The following RGS6 variants were observed in gnomAD, a reference collection of about 807,000 sequenced individuals.
RGS6 encodes regulator of G-protein signaling 6.
RGS6 carries 30 observed loss-of-function variants against 78.5 expected under a neutral mutation model. That is an observed-to-expected ratio of 0.38 (90% CI 0.29 to 0.52). RGS6 has a LOEUF of 0.52. Among genes scored for constraint, RGS6 ranks in the 20% least tolerant of loss-of-function variants. The pLI is 0.85. For synonymous variants in RGS6, 206 were observed against 206.0 expected, an observed-to-expected ratio of 1.00 and a Z score of 0.00; for missense variants, 495 against 609.7, an observed-to-expected ratio of 0.81 and a Z score of 1.98.
rs1407270479 is a variant in RGS6, at chr14:72,162,315, T to C, written c.85-189780T>C. Among the ~76,000 whole-genome samples the C allele has an allele frequency of 2.0e-5, 3 of 152,012 alleles. No homozygotes were observed. In the East Asian group the frequency reaches 5.8e-4, roughly 29 times the overall value. On this transcript the variant is annotated intron_variant, in intron 2 of 17. Coordinates refer to ENST00000553525, the MANE Select transcript of RGS6 (RefSeq NM_001204424.2). ...TGGGCTTCTTGGAGTGTGAAAAGAGTGGACCCTGACCCACCTCTATTCCCT... is the reference window on the plus strand; with the variant it reads ...TGGGCTTCTTGGAGTGTGAAAAGAGCGGACCCTGACCCACCTCTATTCCCT...
At chr14:72,053,079 C>CCCTTCCTTCCTT (rs1226350902) in intron 2 of RGS6, among the ~76,000 whole-genome samples, 338 of 16,916 alleles carry the variant, frequency 0.02, 5 homozygotes, top group African/African-American at 0.039. Flanking sequence ...CTCCCTCCCT[C>CCCTTCCTTCCTT]CCTTCCTTCC....
chr14:72,285,947 A>G (rs186549840), intron 2 of RGS6, among the ~76,000 whole-genome samples: 3 of 152,280 alleles, frequency 2.0e-5, no homozygotes, highest in African/African-American at 7.2e-5. Flanking sequence ...TGAATATTTT[A>G]TCCCATTTCA....
the RGS6 span, among the ~76,000 whole-genome samples, chr14:72,623,094 T>G: frequency 6.6e-6 from 1 of 152,216 alleles, no homozygotes; most frequent in Non-Finnish European, 1.5e-5. Context: ...TGTTACCATT[T>G]TTCATGGATT....
the RGS6 span, among the ~76,000 whole-genome samples, chr14:72,604,415 A>C: frequency 0.043 from 6,498 of 152,178 alleles, 431 homozygotes; most frequent in African/African-American, 0.15. Flanking sequence ...TCTACAGATG[A>C]TCTCCCTTCC....
intron 15 of RGS6, among the ~76,000 whole-genome samples, chr14:72,532,054 T>C (rs968418431): frequency 2.6e-5 from 4 of 152,238 alleles, no homozygotes; most frequent in Non-Finnish European, 4.4e-5. Context: ...CTCGTTTTAT[T>C]GCACTTCCCT....
At chr14:71,902,581 T>C in the RGS6 span, among the ~76,000 whole-genome samples, 13 of 152,218 alleles carry the variant, frequency 8.5e-5, no homozygotes, top group Admixed American at 7.2e-4. Flanking sequence ...GTAAGATTCA[T>C]AGAGAAAAAA....
chr14:72,483,018 A>G (rs577333245), intron 12 of RGS6, among the ~76,000 whole-genome samples: 53 of 152,258 alleles, frequency 3.5e-4, no homozygotes, highest in African/African-American at 1.3e-3. Context: ...TCTTATGCTC[A>G]CTTATCTCAT....
the RGS6 span, among the ~76,000 whole-genome samples, chr14:72,586,289 G>A: frequency 6.6e-6 from 1 of 152,204 alleles, no homozygotes; most frequent in African/African-American, 2.4e-5. Flanking sequence ...TTGTAGGAGT[G>A]AAGCCCTTAT....
intron 1 of RGS6, among the ~76,000 whole-genome samples, chr14:71,941,976 C>A (rs984391754): frequency 1.3e-5 from 2 of 152,166 alleles, no homozygotes; most frequent in African/African-American, 4.8e-5. Flanking sequence ...TTCTTTGCAG[C>A]CATCCATCCA....
intron 14 of RGS6, chr14:72,511,836 G>C (rs1419473664): frequency 6.6e-6 from 1 of 152,232 alleles, no homozygotes; most frequent in Admixed American, 6.5e-5. Context: ...CTTATTTTGG[G>C]TTATTATACA....
the RGS6 span, among the ~76,000 whole-genome samples, chr14:71,878,197 C>G: frequency 7.2e-5 from 11 of 152,322 alleles, no homozygotes; most frequent in South Asian, 2.3e-3. Context: ...AATGACTACT[C>G]TCTTCAAAGC....
intron 2 of RGS6, among the ~76,000 whole-genome samples, chr14:72,030,084 A>T (rs140828453): frequency 2.0e-5 from 3 of 152,338 alleles, no homozygotes; most frequent in Admixed American, 6.5e-5. Context: ...TGGAAATGTT[A>T]ATATTAGTCT....
chr14:72,431,131 C>A lies in RGS6; in HGVS notation c.185-23397C>A, dbSNP rs368508590. 3.3e-5 allele frequency among the ~76,000 whole-genome samples: 5 copies of A among 152,148 alleles called. No individual in the cohort carries two copies. The South Asian group carries it at 8.3e-4, about 25-fold the overall frequency. On this transcript the variant is annotated intron_variant, in intron 3 of 17. Transcript: ENST00000553525. ...AAAGTCCATATGTACTAGGATCTTA[C>A]AGTACACTTGGAAACAACAAGGAAT...
At chr14:72,617,348 C>T in the RGS6 span, among the ~76,000 whole-genome samples, 2 of 152,054 alleles carry the variant, frequency 1.3e-5, no homozygotes, top group Non-Finnish European at 2.9e-5. Context: ...TGGAGACAGC[C>T]TGCTTTGGGT....
In RGS6 at chr14:72,177,284, C is replaced by T. The variant is rs149248171; in HGVS notation, c.85-174811C>T. ...TTCCATAGGCCACATATAGGTAGGC[C>T]TATTTGTATCTTTATATTTGATTTG... is the stretch of plus-strand genomic sequence containing the variant. On this transcript the variant is annotated intron_variant, in intron 2 of 17. Coordinates refer to ENST00000553525, the MANE Select transcript of RGS6 (RefSeq NM_001204424.2). Among the ~76,000 whole-genome samples, 293 of 152,076 alleles carry T rather than the reference C, an allele frequency of 1.9e-3. 2 individuals carry two copies. Among genetic ancestry groups the T allele is most frequent in the African/African-American group, 6.7e-3 (276 of 41,460 alleles).
chr14:71,911,912 T>C, the RGS6 span, among the ~76,000 whole-genome samples: 8 of 152,146 alleles, frequency 5.3e-5, no homozygotes, highest in African/African-American at 1.4e-4. Flanking sequence ...TGAATATTCA[T>C]GAAGGGGGCA....
At chr14:72,305,362 C>T (rs1052975125) in intron 2 of RGS6, among the ~76,000 whole-genome samples, 22 of 152,038 alleles carry the variant, frequency 1.4e-4, no homozygotes, top group Admixed American at 1.1e-3. Flanking sequence ...TTTTATTGTG[C>T]GTTCTTTGTT....
intron 2 of RGS6, among the ~76,000 whole-genome samples, chr14:72,205,276 C>G (rs1333150434): frequency 6.6e-6 from 1 of 152,176 alleles, no homozygotes; most frequent in Non-Finnish European, 1.5e-5. Context: ...GGTTTATTCT[C>G]TTTCTTCCAT....
chr14:71,936,089 GATAT>G (rs929582111), intron 1 of RGS6, among the ~76,000 whole-genome samples: 1 of 131,906 alleles, frequency 7.6e-6, no homozygotes, highest in Non-Finnish European at 1.6e-5. Flanking sequence ...TGCTATACAT[GATAT>G]ATATACATAT....
Sources: gnomAD v4.1 joint callset for allele counts (sites outside exome capture counted in the v4.1 genomes callset) on GRCh38, gnomAD v4.1.1 for gene constraint, MANE v1.5 for transcripts, NCBI Gene and HGNC (gene_info 2026-07-23, HGNC 2026-07-21) for gene names.